The following BCAS4 variants were observed in gnomAD, a reference collection of about 807,000 sequenced individuals.
BCAS4 encodes breast carcinoma-amplified sequence 4.
BCAS4 carries 9 observed loss-of-function variants against 15.7 expected under a neutral mutation model. The observed-to-expected ratio is 0.57, with a 90% CI of 0.34 to 1.00. The LOEUF is 1.00. Ranked by LOEUF, BCAS4 falls within the 50% of genes least tolerant of loss-of-function variation. BCAS4 has a pLI of 0.02. For missense variants in BCAS4, 225 were observed against 239.1 expected (o/e 0.94, Z 0.39); for synonymous variants, 101 against 99.5 (o/e 1.02, Z -0.09).
Position 50,835,543 on chromosome 20 carries a change from C to T in BCAS4, c.264+5163C>T, listed in dbSNP as rs182962629. 1.2e-3 allele frequency among the ~76,000 whole-genome samples: 175 copies of T among 151,882 alleles called. 1 individual carries two copies. Among genetic ancestry groups the T allele is most frequent in the Admixed American group, 2.4e-3 (37 of 15,254 alleles). ...ACAGGCGTGAGCCACCATGCCTGGC[C>T]TACTATAAGTTTTAGATAGAGATTG... is the stretch of plus-strand genomic sequence containing the variant. On this transcript the variant is annotated intron_variant, in intron 3 of 4. Transcript: ENST00000371608.
rs989492510 is a variant in BCAS4, at chr20:50,852,830, G to A, written c.399+10930G>A. Reference sequence around the variant, plus strand: ...GCCTTGGCAATGATCTGCAGTGACCGGGCAGCACCCAGAGGACCCAGGACA... The same window carrying A: ...GCCTTGGCAATGATCTGCAGTGACCAGGCAGCACCCAGAGGACCCAGGACA... On this transcript the variant is annotated intron_variant, in intron 4 of 4. Coordinates refer to ENST00000371608, the MANE Select transcript of BCAS4 (RefSeq NM_198799.4). Among the ~76,000 whole-genome samples the A allele has an allele frequency of 4.6e-5, 7 of 152,208 alleles. No individual in the cohort carries two copies. The East Asian group carries it at 5.8e-4, about 13-fold the overall frequency.
intron 1 of BCAS4, among the ~76,000 whole-genome samples, chr20:50,814,927 G>T (rs977298988): frequency 6.6e-6 from 1 of 152,180 alleles, no homozygotes; most frequent in Non-Finnish European, 1.5e-5. Context: ...GGGCAACATA[G>T]TGAGACCCCT....
At chr20:50,849,955 T>C (rs1256468330) in intron 4 of BCAS4, among the ~76,000 whole-genome samples, 1 of 152,168 alleles carries the variant, frequency 6.6e-6, no homozygotes, top group Non-Finnish European at 1.5e-5. Flanking sequence ...AGTGAGACCC[T>C]GTCTCTATTC....
Position 50,807,525 on chromosome 20 carries a change from G to C in BCAS4, c.91-10686G>C, listed in dbSNP as rs185434065. On this transcript the variant is annotated intron_variant, in intron 1 of 4. Coordinates refer to ENST00000371608, the MANE Select transcript of BCAS4 (RefSeq NM_198799.4). ...TTATTTTATTTTTTAATTTTAATAG[G>C]TTTTTGGGGAACAGGTGGTGTTTGG... is the stretch of plus-strand genomic sequence containing the variant. 1.2e-4 allele frequency among the ~76,000 whole-genome samples: 18 copies of C among 152,262 alleles called. No homozygotes were observed. The East Asian group carries it at 2.7e-3, about 23-fold the overall frequency.
At chr20:50,850,059 C>T (rs1450311393) in intron 4 of BCAS4, among the ~76,000 whole-genome samples, 3 of 152,188 alleles carry the variant, frequency 2.0e-5, no homozygotes, top group Non-Finnish European at 4.4e-5. Flanking sequence ...TGTACCTCTT[C>T]GTCCCCTCCA....
chr20:50,858,792 T>C (rs1978910997), intron 4 of BCAS4, among the ~76,000 whole-genome samples: 1 of 142,206 alleles, frequency 7.0e-6, no homozygotes. Context: ...GTGACACAGA[T>C]CATAGCTCAC....
chr20:50,871,345 G>T (rs1413243599), intron 4 of BCAS4, among the ~76,000 whole-genome samples: 2 of 152,240 alleles, frequency 1.3e-5, no homozygotes, highest in Non-Finnish European at 2.9e-5. Flanking sequence ...GTGTGCCGGT[G>T]AGGGGGTCTG....
chr20:50,870,955 C>A (rs983913879), intron 4 of BCAS4, among the ~76,000 whole-genome samples: 9 of 152,196 alleles, frequency 5.9e-5, no homozygotes, highest in Admixed American at 3.3e-4. Context: ...CCTATCCTAT[C>A]CCAGAGCAGA....
chr20:50,805,044 A>AT, intron 1 of BCAS4, among the ~76,000 whole-genome samples: 1 of 152,242 alleles, frequency 6.6e-6, no homozygotes. Flanking sequence ...CTATGCTAAG[A>AT]TTCTTCAGTA....
chr20:50,868,538 T>C (rs1305849482), intron 4 of BCAS4, among the ~76,000 whole-genome samples: 1 of 152,154 alleles, frequency 6.6e-6, no homozygotes, highest in Non-Finnish European at 1.5e-5. Context: ...TCCTCTCACC[T>C]CGGCCTCCTG....
At chr20:50,830,467 A>G (rs2088330884) in intron 3 of BCAS4, 87 bp downstream of exon 3, 1 of 1,105,562 alleles carries the variant, frequency 9.0e-7, no homozygotes. Flanking sequence ...GGCCTTGAGC[A>G]TGTCAGGCAT....
intron 2 of BCAS4, among the ~76,000 whole-genome samples, chr20:50,826,547 A>ATAT (rs2088279555): frequency 6.6e-6 from 1 of 152,250 alleles, no homozygotes; most frequent in African/African-American, 2.4e-5. Flanking sequence ...GAGAGTTGCC[A>ATAT]TATTAACCCT....
At chr20:50,810,957 C>T (rs191897432) in intron 1 of BCAS4, among the ~76,000 whole-genome samples, 26 of 152,082 alleles carry the variant, frequency 1.7e-4, no homozygotes, top group African/African-American at 5.1e-4. Context: ...GCAGGAGGAC[C>T]GGGAGTAGGG....
intron 4 of BCAS4, among the ~76,000 whole-genome samples, chr20:50,843,937 A>C (rs368136984): frequency 5.9e-5 from 9 of 152,214 alleles, no homozygotes; most frequent in African/African-American, 1.9e-4. Context: ...TGAGCCCAGG[A>C]GTTCAAGACC....
intron 3 of BCAS4, among the ~76,000 whole-genome samples, chr20:50,831,796 T>C (rs2088346996): frequency 1.3e-5 from 2 of 152,118 alleles, no homozygotes; most frequent in Admixed American, 6.5e-5. Flanking sequence ...GAGCTTGCGG[T>C]TGTGTCATAG....
intron 1 of BCAS4, among the ~76,000 whole-genome samples, chr20:50,796,480 TATATA>T (rs1256147951): frequency 5.5e-3 from 80 of 14,544 alleles, no homozygotes; most frequent in African/African-American, 0.012. Context: ...TATATATATA[TATATA>T]TATTTTTTTT....
At chr20:50,825,986 C>G (rs2088273617) in intron 2 of BCAS4, among the ~76,000 whole-genome samples, 1 of 152,160 alleles carries the variant, frequency 6.6e-6, no homozygotes, top group African/African-American at 2.4e-5. Flanking sequence ...GTCCTTGAGT[C>G]TCCTTTCTAC....
intron 4 of BCAS4, among the ~76,000 whole-genome samples, chr20:50,846,176 C>T (rs1409711527): frequency 4.6e-5 from 7 of 152,268 alleles, no homozygotes; most frequent in African/African-American, 1.4e-4. Context: ...TCCACATTTT[C>T]ATGCTGCACT....
At chr20:50,811,247 C>T (rs890234503) in intron 1 of BCAS4, among the ~76,000 whole-genome samples, 1 of 152,052 alleles carries the variant, frequency 6.6e-6, no homozygotes, top group African/African-American at 2.4e-5. Flanking sequence ...CATCTGTAGT[C>T]CCAGCTACTC....
Sources: gnomAD v4.1 joint callset for allele counts (sites outside exome capture counted in the v4.1 genomes callset) on GRCh38, gnomAD v4.1.1 for gene constraint, MANE v1.5 for transcripts, NCBI Gene and HGNC (gene_info 2026-07-23, HGNC 2026-07-21) for gene names.